The following HIPK2 variants were observed in gnomAD, a reference collection of about 807,000 sequenced individuals.
HIPK2 encodes homeodomain interacting protein kinase 2, also known as homeodomain-interacting protein kinase 2.
In HIPK2, 27 loss-of-function variants were observed where a neutral mutation model predicts 113.7. The observed-to-expected ratio is 0.24, with a 90% CI of 0.17 to 0.33. The LOEUF is 0.33. HIPK2 is among the 10% of genes least tolerant of loss of function. The probability of loss-of-function intolerance (pLI) is 1.00; values close to 1 mark genes in which losing one functional copy is unlikely to be tolerated. For synonymous variants in HIPK2, 631 were observed against 642.2 expected (o/e 0.98, Z 0.26); for missense variants, 1,257 against 1,588.0 (o/e 0.79, Z 3.54).
chr7:139,684,537 T>C (rs551285274), intron 2 of HIPK2, among the ~76,000 whole-genome samples: 1 of 152,284 alleles, frequency 6.6e-6, no homozygotes, highest in South Asian at 2.1e-4. Context: ...GATGACACAG[T>C]GAGACCCTAT....
chr7:139,572,698 T>G lies in HIPK2; in HGVS notation c.*229A>C, dbSNP rs1798321683. On this transcript the variant is annotated 3_prime_UTR_variant, in exon 15 of 15. Transcript: ENST00000406875. ...TTCCTTTTAAAAATGTTCTCTTCTCTGCTCTACGTCCTCCCACTTCCCGGT... is the reference window on the plus strand; with the variant it reads ...TTCCTTTTAAAAATGTTCTCTTCTCGGCTCTACGTCCTCCCACTTCCCGGT... The G allele has an allele frequency of 2.2e-6, 1 of 449,548 alleles. No homozygotes were observed. Among genetic ancestry groups the G allele is most frequent in the East Asian group, 3.3e-5 (1 of 29,928 alleles). 27.8% of individuals were successfully genotyped at this position (449,548 alleles called of 1,614,324 possible).
At chr7:139,698,970 A>T (rs1794633369) in intron 2 of HIPK2, among the ~76,000 whole-genome samples, 1 of 152,210 alleles carries the variant, frequency 6.6e-6, no homozygotes, top group Non-Finnish European at 1.5e-5. Flanking sequence ...AAGAAAGATG[A>T]ATAGAGAAAT....
At chr7:139,584,808 C>T (rs769868076) in intron 12 of HIPK2, among the ~76,000 whole-genome samples, 6 of 152,166 alleles carry the variant, frequency 3.9e-5, no homozygotes, top group South Asian at 4.1e-4. Flanking sequence ...GGTATTGCAC[C>T]GGGGCCTGGT....
intron 1 of HIPK2, among the ~76,000 whole-genome samples, chr7:139,735,584 T>C (rs1480434956): frequency 1.3e-5 from 2 of 152,200 alleles, no homozygotes; most frequent in Non-Finnish European, 2.9e-5. Flanking sequence ...AAGAAAGGGC[T>C]ACCTGTTTTT....
At chr7:139,621,138 T>C (rs998698400) in intron 6 of HIPK2, among the ~76,000 whole-genome samples, 2 of 152,204 alleles carry the variant, frequency 1.3e-5, no homozygotes, top group African/African-American at 2.4e-5. Flanking sequence ...ATAATACTAA[T>C]AATTAATAAT....
intron 1 of HIPK2, among the ~76,000 whole-genome samples, chr7:139,771,814 G>A (rs1290971624): frequency 6.6e-6 from 1 of 152,170 alleles, no homozygotes; most frequent in Non-Finnish European, 1.5e-5. Context: ...CCGGCTCTGT[G>A]AGGAAAAAGC....
intron 1 of HIPK2, among the ~76,000 whole-genome samples, chr7:139,770,408 T>C (rs1369294000): frequency 6.6e-6 from 1 of 152,216 alleles, no homozygotes; most frequent in East Asian, 1.9e-4. Context: ...AGTTCTATAT[T>C]GTATAGAGCT....
In HIPK2 at chr7:139,565,046, A is replaced by AT. The variant is rs1331235882; in HGVS notation, c.*7880dup. On this transcript the variant is annotated 3_prime_UTR_variant, in exon 15 of 15. Coordinates refer to ENST00000406875, the MANE Select transcript of HIPK2 (RefSeq NM_022740.5). The stretch of plus-strand genomic sequence containing the variant: ...TGACCGGGGGTATGAAGTAATCATT[A>AT]TTTTCAGCCCACAGAGAATTCATAG... The AT allele has an allele frequency of 1.3e-5, 2 of 152,184 alleles. No individual in the cohort carries two copies. The highest frequency in any genetic ancestry group is 2.9e-5 in the Non-Finnish European group (2 of 68,038). The allele number at this position is 152,184 out of a possible 1,614,324, so 9.4% of individuals were successfully genotyped here. A position where few individuals can be genotyped will look rare whatever the true frequency, so the allele number is the denominator to read the frequency against.
intron 13 of HIPK2, among the ~76,000 whole-genome samples, chr7:139,577,258 C>T (rs1798523677): frequency 6.7e-6 from 1 of 149,424 alleles, no homozygotes; most frequent in Non-Finnish European, 1.5e-5. Context: ...AAGTGATTCT[C>T]CTGCCTCAGC....
chr7:139,656,014 T>C (rs1427860138), intron 2 of HIPK2, among the ~76,000 whole-genome samples: 3 of 152,200 alleles, frequency 2.0e-5, no homozygotes, highest in Non-Finnish European at 4.4e-5. Flanking sequence ...ACTGACCCTG[T>C]TGACCTCAAC....
rs1798065802 is a variant in HIPK2, at chr7:139,565,606, TC to T, written c.*7320del. 1 of 152,204 alleles carries T rather than the reference TC, an allele frequency of 6.6e-6. No homozygotes were observed. The highest frequency in any genetic ancestry group is 1.5e-5 in the Non-Finnish European group (1 of 68,044). 9.4% of individuals were successfully genotyped at this position (152,204 alleles called of 1,614,324 possible). On this transcript the variant is annotated 3_prime_UTR_variant, in exon 15 of 15. Transcript: ENST00000406875. Reference sequence around the variant, plus strand: ...TTTTATCATGAAAGCTGGCTGGTTTTCCTGTTTATACAATTGTTGCTATTTC... The same window carrying T: ...TTTTATCATGAAAGCTGGCTGGTTTTCTGTTTATACAATTGTTGCTATTTC...
chr7:139,645,942 G>C (rs981371754), intron 2 of HIPK2, among the ~76,000 whole-genome samples: 3 of 152,144 alleles, frequency 2.0e-5, no homozygotes, highest in African/African-American at 7.2e-5. Context: ...ATAAACTCCA[G>C]GTCTCCAGCC....
chr7:139,681,119 G>C (rs936245901), intron 2 of HIPK2, among the ~76,000 whole-genome samples: 1 of 152,216 alleles, frequency 6.6e-6, no homozygotes, highest in African/African-American at 2.4e-5. Flanking sequence ...GTACAGGAGA[G>C]CCCGTCAACC....
chr7:139,703,119 G>A (rs1489039928), intron 2 of HIPK2, among the ~76,000 whole-genome samples: 1 of 152,096 alleles, frequency 6.6e-6, no homozygotes, highest in Non-Finnish European at 1.5e-5. Context: ...GGCATGGTAC[G>A]GCTTATGGGT....
At chr7:139,608,188 G>A (rs528596726) in intron 9 of HIPK2, among the ~76,000 whole-genome samples, 1 of 151,762 alleles carries the variant, frequency 6.6e-6, no homozygotes, top group Non-Finnish European at 1.5e-5. Context: ...AGGTTACAGT[G>A]AGCTGAGATT....
intron 9 of HIPK2, among the ~76,000 whole-genome samples, chr7:139,604,880 G>A (rs994671665): frequency 2.6e-5 from 4 of 152,158 alleles, no homozygotes; most frequent in Non-Finnish European, 4.4e-5. Context: ...ATGTACAGGG[G>A]ATTAGGGTAG....
rs1332014375 is a variant in HIPK2, at chr7:139,614,489, G to C, written c.1787C>G (p.Pro596Arg). ...GGAAATAGTGGCACTGGTAGAGGAG[G>C]GAGCCTAAAGGAGTGATGGGGATTA... ...NQLTTVHNQAPSSTSATISLA... is the reference protein window; with the variant it reads ...NQLTTVHNQARSSTSATISLA... The change falls in exon 8 of 15, where the codon CCC (proline) becomes CGC (arginine). Residue 596 changes from proline (P) to arginine (R), a missense_variant. By Grantham distance (103) the Pro-to-Arg change is moderately radical. This residue lies in a region of HIPK2 where 862 missense variants were observed against 1,004.3 expected (regional missense o/e 0.86). Transcript: ENST00000406875. 2.9e-6 allele frequency: 4 copies of C among 1,381,984 alleles called. No homozygotes were observed. In the African/African-American group the frequency reaches 5.9e-5, roughly 21 times the overall value. The allele number at this position is 1,381,984 out of a possible 1,614,324, so 85.6% of individuals were successfully genotyped here. A position where few individuals can be genotyped will look rare whatever the true frequency, so the allele number is the denominator to read the frequency against.
At chr7:139,724,099 A>G (rs994579725) in intron 1 of HIPK2, among the ~76,000 whole-genome samples, 1 of 152,096 alleles carries the variant, frequency 6.6e-6, no homozygotes, top group African/African-American at 2.4e-5. Context: ...TTATGCACAT[A>G]AGACATAACA....
rs181788459 is a variant in HIPK2, at chr7:139,601,532, C to G, written c.2256-936G>C. 7.7e-4 allele frequency among the ~76,000 whole-genome samples: 117 copies of G among 152,298 alleles called. 1 individual carries two copies. The highest frequency in any genetic ancestry group is 1.6e-3 in the Non-Finnish European group (109 of 68,040). ...TATAGCAGCTGATCAATTAATTACA[C>G]GCTTGCTGAATGAATAATTAGATTA... On this transcript the variant is annotated intron_variant, in intron 10 of 14. Coordinates refer to ENST00000406875, the MANE Select transcript of HIPK2 (RefSeq NM_022740.5).
Sources: gnomAD v4.1 joint callset for allele counts (sites outside exome capture counted in the v4.1 genomes callset) on GRCh38, gnomAD v4.1.1 for gene constraint, gnomAD v4.1.1 regional missense constraint, MANE v1.5 for transcripts, NCBI Gene and HGNC (gene_info 2026-07-23, HGNC 2026-07-21) for gene names.